The following UBE2H variants were observed in gnomAD, a reference collection of about 807,000 sequenced individuals.
UBE2H encodes ubiquitin conjugating enzyme E2 H.
UBE2H carries 3 observed loss-of-function variants against 29.0 expected under a neutral mutation model. The ratio of observed to expected loss-of-function variants is 0.10; its 90% CI spans 0.05 to 0.27. UBE2H has a LOEUF of 0.27. UBE2H is among the 10% of genes least tolerant of loss of function. The pLI is 1.00. For missense variants in UBE2H, 68 were observed against 228.2 expected, an observed-to-expected ratio of 0.30 and a Z score of 4.52; for synonymous variants, 69 against 82.9, an observed-to-expected ratio of 0.83 and a Z score of 0.91.
intron 1 of UBE2H, among the ~76,000 whole-genome samples, chr7:129,925,321 T>C (rs926588262): frequency 6.6e-6 from 1 of 151,370 alleles, no homozygotes; most frequent in African/African-American, 2.4e-5. Context: ...CACTCCAGAC[T>C]GGGCAACAGA....
chr7:129,945,084 T>C (rs1250826380), intron 1 of UBE2H, among the ~76,000 whole-genome samples: 1 of 152,028 alleles, frequency 6.6e-6, no homozygotes, highest in Non-Finnish European at 1.5e-5. Flanking sequence ...TAATCTACAG[T>C]GACAGAAATG....
rs1023632941 is a variant in UBE2H, at chr7:129,928,725, T to C, written c.53+23778A>G. 2.0e-5 allele frequency among the ~76,000 whole-genome samples: 3 copies of C among 152,192 alleles called. No individual in the cohort carries two copies. In the South Asian group the frequency reaches 6.2e-4, roughly 31 times the overall value. Reference sequence around the variant, plus strand: ...GTGACAGATATGCCCAATTTGATCATTACACATTGAATACATCTATAGAAG... The same window carrying C: ...GTGACAGATATGCCCAATTTGATCACTACACATTGAATACATCTATAGAAG... On this transcript the variant is annotated intron_variant, in intron 1 of 6. Coordinates refer to ENST00000355621, the MANE Select transcript of UBE2H (RefSeq NM_003344.4).
chr7:129,844,996 G>C (rs904407384), intron 5 of UBE2H, among the ~76,000 whole-genome samples: 2 of 152,150 alleles, frequency 1.3e-5, no homozygotes, highest in Admixed American at 6.5e-5. Flanking sequence ...CAGGCGTGGT[G>C]GTGGGCACCT....
intron 1 of UBE2H, among the ~76,000 whole-genome samples, chr7:129,883,374 C>T (rs1806292984): frequency 1.3e-5 from 2 of 152,208 alleles, no homozygotes; most frequent in South Asian, 2.1e-4. Context: ...GTCAGCGCTA[C>T]TCCCGGAGAT....
rs111814493 is a variant in UBE2H, at chr7:129,868,647, C to CATATGCA, written c.206-9713_206-9707dup. ...GGACAAGTCCTCTGATAGTAACAAG[C>CATATGCA]ATATGCAAAAGCAGGGTTATCCTTA... is the stretch of plus-strand genomic sequence containing the variant. On this transcript the variant is annotated intron_variant, in intron 3 of 6. Transcript: ENST00000355621. Among the ~76,000 whole-genome samples, 401 of 148,170 alleles carry CATATGCA rather than the reference C, an allele frequency of 2.7e-3. 1 individual carries two copies. Among genetic ancestry groups the CATATGCA allele is most frequent in the African/African-American group, 9.7e-3 (389 of 40,240 alleles).
chr7:129,945,799 G>A (rs1194631784), intron 1 of UBE2H, among the ~76,000 whole-genome samples: 2 of 151,604 alleles, frequency 1.3e-5, no homozygotes, highest in East Asian at 3.9e-4. Flanking sequence ...GGAGTGCAAT[G>A]GCGCAATCTC....
chr7:129,929,263 G>A (rs1807338338), intron 1 of UBE2H, among the ~76,000 whole-genome samples: 1 of 149,558 alleles, frequency 6.7e-6, no homozygotes, highest in Admixed American at 6.8e-5. Context: ...GTTGCGGTGA[G>A]CCAAGATCGT....
intron 1 of UBE2H, among the ~76,000 whole-genome samples, chr7:129,895,315 G>A (rs890372544): frequency 7.9e-5 from 12 of 152,142 alleles, no homozygotes; most frequent in African/African-American, 2.9e-4. Context: ...TAAGGGTGGA[G>A]GGGAGACGAA....
At chr7:129,930,782 C>T (rs1807374106) in intron 1 of UBE2H, among the ~76,000 whole-genome samples, 2 of 151,732 alleles carry the variant, frequency 1.3e-5, no homozygotes, top group South Asian at 4.2e-4. Flanking sequence ...GTGGTACGCG[C>T]CTGTAGTCCC....
rs142236798 is a variant in UBE2H, at chr7:129,896,107, C to T, written c.54-15136G>A. 1.6e-3 allele frequency among the ~76,000 whole-genome samples: 238 copies of T among 151,982 alleles called. 1 individual carries two copies. The highest frequency in any genetic ancestry group is 5.4e-3 in the African/African-American group (222 of 41,450). On this transcript the variant is annotated intron_variant, in intron 1 of 6. Transcript: ENST00000355621. ...AATCCCAGCACTTCGGGATTCAAGG[C>T]AGGTAGATCATCTGAGGTTAGGAGT...
chr7:129,900,613 G>T (rs892721807), intron 1 of UBE2H, among the ~76,000 whole-genome samples: 1 of 151,982 alleles, frequency 6.6e-6, no homozygotes, highest in Non-Finnish European at 1.5e-5. Flanking sequence ...ATTATATTAT[G>T]ACCATGTAAA....
At chr7:129,879,987 CA>C (rs1336570603) in intron 2 of UBE2H, among the ~76,000 whole-genome samples, 1 of 151,856 alleles carries the variant, frequency 6.6e-6, no homozygotes, top group African/African-American at 2.4e-5. Flanking sequence ...AAGAAAACAA[CA>C]AAAAACATTT....
intron 5 of UBE2H, among the ~76,000 whole-genome samples, chr7:129,855,171 T>C (rs1805682265): frequency 6.6e-6 from 1 of 152,184 alleles, no homozygotes; most frequent in Non-Finnish European, 1.5e-5. Flanking sequence ...CTGTGAATTA[T>C]AATTCAGTGA....
At chr7:129,840,467 C>T (rs997744205) in intron 5 of UBE2H, among the ~76,000 whole-genome samples, 5 of 152,132 alleles carry the variant, frequency 3.3e-5, no homozygotes, top group African/African-American at 1.2e-4. Flanking sequence ...GGATTATAGA[C>T]GTGACATTTA....
At chr7:129,842,868 A>G (rs1805451005) in intron 5 of UBE2H, among the ~76,000 whole-genome samples, 1 of 152,152 alleles carries the variant, frequency 6.6e-6, no homozygotes, top group Non-Finnish European at 1.5e-5. Flanking sequence ...GCGCCATTGC[A>G]CCGCAGCCTG....
At chr7:129,925,035 G>T (rs912337959) in intron 1 of UBE2H, among the ~76,000 whole-genome samples, 1 of 152,026 alleles carries the variant, frequency 6.6e-6, no homozygotes, top group Non-Finnish European at 1.5e-5. Context: ...CCCCAGCAAA[G>T]CAGAACCCGA....
chr7:129,919,100 T>TAAAAAAAAAAAAAAAAAAAA (rs1204331286), intron 1 of UBE2H, among the ~76,000 whole-genome samples: 5 of 72,116 alleles, frequency 6.9e-5, no homozygotes, highest in Non-Finnish European at 1.2e-4. Flanking sequence ...AAAAACAAAG[T>TAAAAAAAAAAAAAAAAAAAA]AAAAAAAAAA....
At chr7:129,894,151 A>G (rs1806554502) in intron 1 of UBE2H, among the ~76,000 whole-genome samples, 1 of 152,074 alleles carries the variant, frequency 6.6e-6, no homozygotes, top group African/African-American at 2.4e-5. Flanking sequence ...CTCTGTCTCA[A>G]AAAAATAAAA....
At chr7:129,878,705 A>AG (rs1806196501) in intron 3 of UBE2H, among the ~76,000 whole-genome samples, 4 of 137,204 alleles carry the variant, frequency 2.9e-5, no homozygotes, top group African/African-American at 7.9e-5. Context: ...AAAAAAAAAA[A>AG]GCCCACAGCA....
Sources: allele counts gnomAD v4.1 joint callset (sites outside exome capture counted in the v4.1 genomes callset), GRCh38; gene constraint gnomAD v4.1.1; transcripts MANE v1.5; gene names NCBI Gene and HGNC (gene_info 2026-07-23, HGNC 2026-07-21).